The following ARHGEF10L variants were observed in gnomAD, a reference collection of about 807,000 sequenced individuals.
ARHGEF10L encodes rho guanine nucleotide exchange factor 10-like protein.
A neutral mutation model predicts 141.2 loss-of-function variants in ARHGEF10L; 69 were observed. The ratio of observed to expected loss-of-function variants is 0.49; its 90% CI spans 0.40 to 0.60. ARHGEF10L has a LOEUF of 0.60. Among genes scored for constraint, ARHGEF10L ranks in the 20% least tolerant of loss-of-function variants. ARHGEF10L has a pLI of 0.00. For missense variants in ARHGEF10L, 1,482 were observed against 1,734.3 expected (o/e 0.85, Z 2.58); for synonymous variants, 711 against 718.5 (o/e 0.99, Z 0.17).
chr1:17,527,744 AT>A, the ARHGEF10L span, among the ~76,000 whole-genome samples: 1 of 150,864 alleles, frequency 6.6e-6, no homozygotes, highest in South Asian at 2.1e-4. Context: ...TTGCCAGGGG[AT>A]TTTCCAGTTA....
Position 17,539,761 on chromosome 1 carries a change from C to G in ARHGEF10L, c.-233C>G, listed in dbSNP as rs931109394. On this transcript the variant is annotated 5_prime_UTR_variant, in exon 1 of 29. Coordinates refer to ENST00000361221, the MANE Select transcript of ARHGEF10L (RefSeq NM_018125.4). This position sits in a 1 kb window ranked among gnomAD's most constrained non-coding sequence, Gnocchi z 6.0. ...AGCGCGGCGGGCGCGGGCGCAGTCC[C>G]GGCGGGCCCGGACCTCGCGGGCGGG... 40 of 146,376 alleles carry G rather than the reference C, an allele frequency of 2.7e-4. No homozygotes were observed. The highest frequency in any genetic ancestry group is 3.7e-4 in the Non-Finnish European group (24 of 65,608). 9.1% of individuals were successfully genotyped at this position (146,376 alleles called of 1,614,324 possible).
chr1:17,681,756 T>G (rs1310586212), intron 26 of ARHGEF10L, among the ~76,000 whole-genome samples: 1 of 152,214 alleles, frequency 6.6e-6, no homozygotes, highest in Non-Finnish European at 1.5e-5. Context: ...CTGGTTTCCC[T>G]TTGTGATTAC....
the ARHGEF10L span, among the ~76,000 whole-genome samples, chr1:17,524,486 C>T: frequency 1.3e-5 from 2 of 151,472 alleles, no homozygotes; most frequent in Admixed American, 1.3e-4. Flanking sequence ...GTAGGAGGAT[C>T]GCTTGAGCCC....
At chr1:17,675,501 G>T (rs1341912169) in intron 26 of ARHGEF10L, among the ~76,000 whole-genome samples, 2 of 151,746 alleles carry the variant, frequency 1.3e-5, no homozygotes, top group East Asian at 3.9e-4. Context: ...GTGTATAGGT[G>T]TGTGGGTACA....
At chr1:17,614,614 C>A (rs2059710113) in intron 8 of ARHGEF10L, among the ~76,000 whole-genome samples, 1 of 152,106 alleles carries the variant, frequency 6.6e-6, no homozygotes, top group Non-Finnish European at 1.5e-5. Flanking sequence ...TCCCACCCCC[C>A]AACAAGAAGA....
At position 17,664,337 on chromosome 1, in the gene ARHGEF10L, CG is replaced by C. The variant is rs2062832758; in HGVS notation, c.2861-106del. On this transcript the variant is annotated intron_variant, in intron 25 of 28. Coordinates refer to ENST00000361221, the MANE Select transcript of ARHGEF10L (RefSeq NM_018125.4). ...ATGGAGAGAGAAAGGCCCTGGAGAG[CG>C]GGGAGAGGGTGTGGGGGGCCCTGCT... 6.5e-6 allele frequency: 8 copies of C among 1,235,236 alleles called. No individual in the cohort carries two copies. The East Asian group carries it at 1.9e-4, about 29-fold the overall frequency. 76.5% of individuals were successfully genotyped at this position (1,235,236 alleles called of 1,614,324 possible).
Position 17,607,787 on chromosome 1 carries a change from C to A in ARHGEF10L, c.434-15C>A. 7 of 1,546,578 alleles carry A rather than the reference C, an allele frequency of 4.5e-6. No homozygotes were observed. The highest frequency in any genetic ancestry group is 6.1e-6 in the Non-Finnish European group (7 of 1,150,732). ...CCTCAGGGCCTGGGCTCACCGGCTGCCGCTTGGCCAGCAGGGGCAGAGAGG... is the reference window on the plus strand; with the variant it reads ...CCTCAGGGCCTGGGCTCACCGGCTGACGCTTGGCCAGCAGGGGCAGAGAGG... On this transcript the variant is annotated splice_polypyrimidine_tract_variant and intron_variant, in intron 6 of 28. Transcript: ENST00000361221. The surrounding 1 kb of genome is among the most constrained non-coding windows in gnomAD (Gnocchi z 4.5).
At chr1:17,560,921 C>G (rs952080853) in intron 1 of ARHGEF10L, among the ~76,000 whole-genome samples, 13 of 152,302 alleles carry the variant, frequency 8.5e-5, no homozygotes, top group African/African-American at 2.9e-4. Context: ...CAGGGAGGAG[C>G]CACAGTTTCT....
intron 12 of ARHGEF10L, 124 bp from the exon 13 acceptor site, chr1:17,624,262 TG>T: frequency 2.7e-6 from 2 of 740,160 alleles, no homozygotes; most frequent in Non-Finnish European, 4.9e-6. Flanking sequence ...CAAGGGAGTG[TG>T]GGGTGAGTGC....
intron 16 of ARHGEF10L, among the ~76,000 whole-genome samples, chr1:17,633,237 GT>G (rs1399546006): frequency 6.6e-6 from 1 of 152,230 alleles, no homozygotes; most frequent in East Asian, 1.9e-4. Context: ...CCCCTGCTTG[GT>G]CCTGCAGGGG....
In ARHGEF10L at chr1:17,611,442, T is replaced by G. The variant is rs143906456; in HGVS notation, c.610-1616T>G. Among the ~76,000 whole-genome samples, 111 of 152,336 alleles carry G rather than the reference T, an allele frequency of 7.3e-4. 1 individual carries two copies. The highest frequency in any genetic ancestry group is 4.4e-3 in the Admixed American group (68 of 15,304). ...GTGGTCAGTATTATTGTCCTTAAGA[T>G]TCTCATTTTGTTGATCAGAAAACCT... is the stretch of plus-strand genomic sequence containing the variant. On this transcript the variant is annotated intron_variant, in intron 7 of 28. Coordinates refer to ENST00000361221, the MANE Select transcript of ARHGEF10L (RefSeq NM_018125.4).
In ARHGEF10L at chr1:17,639,716, C is replaced by A; in HGVS notation, c.2172-486C>A. On this transcript the variant is annotated intron_variant, in intron 20 of 28. Coordinates refer to ENST00000361221, the MANE Select transcript of ARHGEF10L (RefSeq NM_018125.4). The surrounding 1 kb of genome is among the most constrained non-coding windows in gnomAD (Gnocchi z 4.3). The stretch of plus-strand genomic sequence containing the variant: ...CTGGTTGCCCCAAGCTGGTGCTTAA[C>A]CTGATTCATTCATTTCTTCATTCAT... The A allele has an allele frequency of 1.5e-6, 1 of 657,882 alleles. No individual in the cohort carries two copies. 40.8% of individuals were successfully genotyped at this position (657,882 alleles called of 1,614,324 possible). A position where few individuals can be genotyped will look rare whatever the true frequency, so the allele number is the denominator to read the frequency against.
chr1:17,598,175 C>T (rs150629366), intron 4 of ARHGEF10L, among the ~76,000 whole-genome samples: 3,396 of 151,316 alleles, frequency 0.022, 136 homozygotes, highest in African/African-American at 0.079. Context: ...GATCTCAGCT[C>T]ACTGCAACCT....
chr1:17,587,397 C>G (rs2079112645), intron 2 of ARHGEF10L, 63 bp from the exon 3 acceptor site: 1 of 1,529,646 alleles, frequency 6.5e-7, no homozygotes, highest in South Asian at 1.2e-5. Context: ...CCTACCCCAG[C>G]CATCTCTCCA....
chr1:17,540,442 G>T (rs896018452), intron 1 of ARHGEF10L, among the ~76,000 whole-genome samples: 3 of 152,126 alleles, frequency 2.0e-5, no homozygotes, highest in African/African-American at 7.2e-5. Flanking sequence ...TGCAGGAGGA[G>T]ACTGTGGGAG....
intron 21 of ARHGEF10L, among the ~76,000 whole-genome samples, chr1:17,642,854 T>C (rs1475843779): frequency 1.3e-5 from 2 of 152,166 alleles, no homozygotes; most frequent in Non-Finnish European, 2.9e-5. Flanking sequence ...TCCTGAGAAG[T>C]GCCCGAGCCC....
At chr1:17,526,909 GAA>G in the ARHGEF10L span, among the ~76,000 whole-genome samples, 624 of 142,398 alleles carry the variant, frequency 4.4e-3, 3 homozygotes, top group African/African-American at 8.1e-3. Context: ...GTCTCCAAAA[GAA>G]AAAAAAAAAA....
Position 17,627,573 on chromosome 1 carries a change from C to T in ARHGEF10L, c.1584+70C>T. ...ACCTGTGCTCCTGCCCGTGCCCCTG[C>T]CCCACGCCACCCACACTAGGTGGCA... On this transcript the variant is annotated intron_variant, in intron 15 of 28. Coordinates refer to ENST00000361221, the MANE Select transcript of ARHGEF10L (RefSeq NM_018125.4). The surrounding 1 kb of genome is among the most constrained non-coding windows in gnomAD (Gnocchi z 4.0). 1 of 1,530,610 alleles carries T rather than the reference C, an allele frequency of 6.5e-7. No homozygotes were observed. Among genetic ancestry groups the T allele is most frequent in the Non-Finnish European group, 8.8e-7 (1 of 1,132,040 alleles). The allele number at this position is 1,530,610 out of a possible 1,614,324, so 94.8% of individuals were successfully genotyped here.
At chr1:17,675,446 TAGGTGTGGGTGC>T (rs1251659146) in intron 26 of ARHGEF10L, among the ~76,000 whole-genome samples, 1 of 145,278 alleles carries the variant, frequency 6.9e-6, no homozygotes, top group African/African-American at 2.6e-5. Flanking sequence ...GGTGTGGGTG[TAGGTGTGGGTGC>T]AGGTGTGGGT....
Sources: allele counts gnomAD v4.1 joint callset (sites outside exome capture counted in the v4.1 genomes callset), GRCh38; gene constraint gnomAD v4.1.1; non-coding constraint Gnocchi (gnomAD v3.1); transcripts MANE v1.5; gene names NCBI Gene and HGNC (gene_info 2026-07-23, HGNC 2026-07-21).